Variants in TNFRSF21 observed in about 807,000 individuals in gnomAD.
TNFRSF21 encodes tumor necrosis factor receptor superfamily member 21.
A neutral mutation model predicts 45.6 loss-of-function variants in TNFRSF21; 19 were observed. The ratio of observed to expected loss-of-function variants is 0.42; its 90% CI spans 0.29 to 0.61. The LOEUF (loss-of-function observed/expected upper bound fraction) is 0.61, where lower values mean the gene tolerates loss of function less well. Among genes scored for constraint, TNFRSF21 ranks in the 20% least tolerant of loss-of-function variants. The pLI is 0.23. For missense variants in TNFRSF21, 737 were observed against 851.5 expected (o/e 0.87, Z 1.67); for synonymous variants, 314 against 335.5 (o/e 0.94, Z 0.70).
At chr6:47,291,369 G>A (rs1762725865) in intron 1 of TNFRSF21, among the ~76,000 whole-genome samples, 1 of 152,212 alleles carries the variant, frequency 6.6e-6, no homozygotes, top group Non-Finnish European at 1.5e-5. Flanking sequence ...CTGCTTCAGA[G>A]CAGAGGGTGA....
At chr6:47,272,259 T>C (rs1347056458) in intron 3 of TNFRSF21, among the ~76,000 whole-genome samples, 1 of 152,160 alleles carries the variant, frequency 6.6e-6, no homozygotes, top group African/African-American at 2.4e-5. Context: ...GACCATATAA[T>C]TGGAAGTAAA....
chr6:47,254,035 A>T (rs1317346740), intron 3 of TNFRSF21, among the ~76,000 whole-genome samples: 1 of 152,194 alleles, frequency 6.6e-6, no homozygotes, highest in Non-Finnish European at 1.5e-5. Flanking sequence ...TTTCTTATTA[A>T]GTGGGGAACT....
In TNFRSF21 at chr6:47,232,645, AC is replaced by A; in HGVS notation, c.*119del. On this transcript the variant is annotated 3_prime_UTR_variant, in exon 6 of 6. Coordinates refer to ENST00000296861, the MANE Select transcript of TNFRSF21 (RefSeq NM_014452.5). ...GTTAAACACACACACACACACACACACACACACACACACAAACACACACACA... is the reference window on the plus strand; with the variant it reads ...GTTAAACACACACACACACACACACAACACACACACACAAACACACACACA... 2.5e-6 allele frequency: 2 copies of A among 790,828 alleles called. No individual in the cohort carries two copies. Among genetic ancestry groups the A allele is most frequent in the East Asian group, 2.5e-5 (1 of 40,034 alleles). 49.0% of individuals were successfully genotyped at this position (790,828 alleles called of 1,614,324 possible).
intron 4 of TNFRSF21, among the ~76,000 whole-genome samples, chr6:47,242,926 C>G (rs1194147381): frequency 2.0e-5 from 3 of 152,178 alleles, no homozygotes; most frequent in South Asian, 2.1e-4. Context: ...CACAAAAAAG[C>G]CTTTCGATAA....
rs578193863 is a variant in TNFRSF21 at position 47,231,804 on chromosome 6, G to T, written c.*961C>A. The stretch of plus-strand genomic sequence containing the variant: ...GGACCAAGGCCTTGAGAGCAGATTG[G>T]ACCTATTGATTATGTGTATATAAAA... On this transcript the variant is annotated 3_prime_UTR_variant, in exon 6 of 6. Coordinates refer to ENST00000296861, the MANE Select transcript of TNFRSF21 (RefSeq NM_014452.5). 5 of 152,724 alleles carry T rather than the reference G, an allele frequency of 3.3e-5. No individual in the cohort carries two copies. In the East Asian group the frequency reaches 9.6e-4, roughly 29 times the overall value. 9.5% of individuals were successfully genotyped at this position (152,724 alleles called of 1,614,324 possible). A position where few individuals can be genotyped will look rare whatever the true frequency, so the allele number is the denominator to read the frequency against.
intron 4 of TNFRSF21, among the ~76,000 whole-genome samples, chr6:47,236,309 G>A (rs551149786): frequency 1.2e-3 from 187 of 152,266 alleles, no homozygotes; most frequent in African/African-American, 4.4e-3. Context: ...ATCACACAGA[G>A]CAGGGTTCAG....
intron 3 of TNFRSF21, among the ~76,000 whole-genome samples, chr6:47,275,060 G>A (rs1236847154): frequency 6.6e-6 from 1 of 152,104 alleles, no homozygotes; most frequent in Admixed American, 6.6e-5. Flanking sequence ...TAATGTGGGA[G>A]TGTAAATTAG....
rs549601816 is a variant in TNFRSF21 at position 47,286,268 on chromosome 6, C to T, written c.424G>A (p.Ala142Thr). The T allele has an allele frequency of 8.1e-6, 13 of 1,614,218 alleles. No homozygotes were observed. The highest frequency in any genetic ancestry group is 6.7e-5 in the East Asian group (3 of 44,886). The change falls in exon 2 of 6, where the codon GCT becomes ACT. Residue 142 changes from alanine (A) to threonine (T), a missense_variant. Transcript: ENST00000296861. ...CACACCGTATGGGGGGCACAGGTAG[C>T]GTTAGACTGGAACATGCCAGGTGGG... ...TCPPGMFQSNATCAPHTVCPV... is the reference protein window; with the variant it reads ...TCPPGMFQSNTTCAPHTVCPV...
At chr6:47,259,676 A>G (rs1765042909) in intron 3 of TNFRSF21, among the ~76,000 whole-genome samples, 1 of 152,176 alleles carries the variant, frequency 6.6e-6, no homozygotes, top group Non-Finnish European at 1.5e-5. Context: ...TGCCCTGCCA[A>G]CATTGCCTTT....
Position 47,309,642 on chromosome 6 carries a change from G to A in TNFRSF21, c.-131C>T. 1 of 1,266,662 alleles carries A rather than the reference G, an allele frequency of 7.9e-7. No individual in the cohort carries two copies. Among genetic ancestry groups the A allele is most frequent in the South Asian group, 2.0e-5 (1 of 50,438 alleles). 78.5% of individuals were successfully genotyped at this position (1,266,662 alleles called of 1,614,324 possible). ...CCCATCTACCTCCAACACCCCATGTGCACTGCTGCGGCCGGGCAGAGGAGG... is the reference window on the plus strand; with the variant it reads ...CCCATCTACCTCCAACACCCCATGTACACTGCTGCGGCCGGGCAGAGGAGG... On this transcript the variant is annotated 5_prime_UTR_variant, in exon 1 of 6. Coordinates refer to ENST00000296861, the MANE Select transcript of TNFRSF21 (RefSeq NM_014452.5).
At chr6:47,300,510 T>C (rs988714769) in intron 1 of TNFRSF21, among the ~76,000 whole-genome samples, 1 of 152,032 alleles carries the variant, frequency 6.6e-6, no homozygotes, top group Non-Finnish European at 1.5e-5. Context: ...TGCCAGTGAG[T>C]TTTTATTTTT....
chr6:47,232,652 CACACACAA>C lies in TNFRSF21; in HGVS notation c.*105_*112del, dbSNP rs895426347. ...ACACACACACACACACACACACACA[CACACACAA>C]ACACACACACACACCCCAAACAACA... On this transcript the variant is annotated 3_prime_UTR_variant, in exon 6 of 6. Coordinates refer to ENST00000296861, the MANE Select transcript of TNFRSF21 (RefSeq NM_014452.5). The C allele has an allele frequency of 1.5e-5, 13 of 847,006 alleles. No homozygotes were observed. Among genetic ancestry groups the C allele is most frequent in the East Asian group, 4.9e-5 (2 of 40,484 alleles). The allele number at this position is 847,006 out of a possible 1,614,324, so 52.5% of individuals were successfully genotyped here. A position where few individuals can be genotyped will look rare whatever the true frequency, so the allele number is the denominator to read the frequency against.
intron 4 of TNFRSF21, 139 bp from the exon 5 acceptor site, chr6:47,235,037 TTA>T: frequency 2.1e-6 from 1 of 487,056 alleles, no homozygotes; most frequent in Admixed American, 4.2e-5. Context: ...CTTAACTTAT[TTA>T]TATGATTGCT....
intron 4 of TNFRSF21, among the ~76,000 whole-genome samples, chr6:47,238,406 C>A (rs1764691983): frequency 6.6e-6 from 1 of 152,204 alleles, no homozygotes; most frequent in Non-Finnish European, 1.5e-5. Context: ...TTCTTTTTGC[C>A]TACTGCCATG....
chr6:47,240,676 G>A (rs1390795870), intron 4 of TNFRSF21, among the ~76,000 whole-genome samples: 6 of 152,184 alleles, frequency 3.9e-5, no homozygotes, highest in Non-Finnish European at 8.8e-5. Flanking sequence ...CATTGCCCGA[G>A]CCCCTCCGCT....
chr6:47,260,188 A>G (rs546126695), intron 3 of TNFRSF21, among the ~76,000 whole-genome samples: 1 of 152,252 alleles, frequency 6.6e-6, no homozygotes, highest in South Asian at 2.1e-4. Context: ...CTGAACAATG[A>G]AGCCAAGCAC....
chr6:47,296,011 A>G (rs1424959606), intron 1 of TNFRSF21, among the ~76,000 whole-genome samples: 1 of 152,208 alleles, frequency 6.6e-6, no homozygotes, highest in African/African-American at 2.4e-5. Flanking sequence ...GTGTACACTC[A>G]GCAGCACTCA....
chr6:47,237,789 C>T (rs1309211813), intron 4 of TNFRSF21, among the ~76,000 whole-genome samples: 1 of 152,050 alleles, frequency 6.6e-6, no homozygotes, highest in Non-Finnish European at 1.5e-5. Flanking sequence ...AACCAGTTGA[C>T]CTATAATACT....
intron 1 of TNFRSF21, among the ~76,000 whole-genome samples, chr6:47,301,920 G>A (rs1762869533): frequency 6.6e-6 from 1 of 152,092 alleles, no homozygotes. Context: ...CTGGGGACCT[G>A]TTACCATTTG....
Sources: allele counts gnomAD v4.1 joint callset (sites outside exome capture counted in the v4.1 genomes callset), GRCh38; gene constraint gnomAD v4.1.1; transcripts MANE v1.5; gene names NCBI Gene and HGNC (gene_info 2026-07-23, HGNC 2026-07-21).